Variants in KALRN observed in about 807,000 individuals in gnomAD.
KALRN encodes kalirin.
A neutral mutation model predicts 353.7 loss-of-function variants in KALRN; 70 were observed. The observed-to-expected ratio is 0.20, with a 90% CI of 0.16 to 0.24. The LOEUF (loss-of-function observed/expected upper bound fraction) is 0.24, where lower values mean the gene tolerates loss of function less well. Ranked by LOEUF, KALRN falls within the 10% of genes least tolerant of loss-of-function variation. The probability of loss-of-function intolerance (pLI) is 1.00; values close to 1 mark genes in which losing one functional copy is unlikely to be tolerated. For missense variants in KALRN, 2,791 were observed against 3,756.7 expected (o/e 0.74, Z 6.72); for synonymous variants, 1,391 against 1,434.8 (o/e 0.97, Z 0.69).
intron 5 of KALRN, among the ~76,000 whole-genome samples, chr3:124,296,796 T>A (rs1331014014): frequency 6.6e-6 from 1 of 152,248 alleles, no homozygotes; most frequent in Non-Finnish European, 1.5e-5. Flanking sequence ...TTCTGTCGCT[T>A]TGCCTGAGCA....
intron 1 of KALRN, among the ~76,000 whole-genome samples, chr3:124,044,433 G>T (rs1393723495): frequency 6.6e-6 from 1 of 152,034 alleles, no homozygotes; most frequent in Non-Finnish European, 1.5e-5. Context: ...ACCACTCCAA[G>T]CTTTAGTTTA....
intron 5 of KALRN, among the ~76,000 whole-genome samples, chr3:124,279,479 G>T (rs1033076146): frequency 1.1e-4 from 16 of 152,228 alleles, no homozygotes; most frequent in Non-Finnish European, 2.1e-4. Context: ...GCATGCATGG[G>T]GAATACAGCC....
intron 1 of KALRN, among the ~76,000 whole-genome samples, chr3:124,168,384 G>A (rs1471836730): frequency 2.0e-5 from 3 of 152,206 alleles, no homozygotes; most frequent in Non-Finnish European, 4.4e-5. Flanking sequence ...GCAACTGATT[G>A]TCTACTTTGT....
chr3:124,190,772 G>A (rs1368179606), intron 1 of KALRN, among the ~76,000 whole-genome samples: 3 of 152,152 alleles, frequency 2.0e-5, no homozygotes, highest in Non-Finnish European at 2.9e-5. Flanking sequence ...AAAGGTGTGG[G>A]GATTTCTCCC....
At chr3:124,424,138 C>A (rs2092910412) in intron 15 of KALRN, among the ~76,000 whole-genome samples, 1 of 152,132 alleles carries the variant, frequency 6.6e-6, no homozygotes, top group South Asian at 2.1e-4. Flanking sequence ...AACACACCAC[C>A]ACTCTCCACA....
chr3:124,582,083 C>T (rs555810154), intron 34 of KALRN, among the ~76,000 whole-genome samples: 11 of 147,954 alleles, frequency 7.4e-5, no homozygotes, highest in Non-Finnish European at 1.6e-4. Flanking sequence ...TGCAATGGTG[C>T]GATCTCCGCT....
At chr3:124,556,926 G>A (rs930764230) in intron 33 of KALRN, among the ~76,000 whole-genome samples, 15 of 152,140 alleles carry the variant, frequency 9.9e-5, no homozygotes, top group African/African-American at 2.7e-4. Context: ...ACAACTGTAC[G>A]TCTTGTCCTC....
intron 14 of KALRN, among the ~76,000 whole-genome samples, chr3:124,416,263 C>A (rs2092491850): frequency 6.6e-6 from 1 of 152,196 alleles, no homozygotes; most frequent in South Asian, 2.1e-4. Context: ...CAACGTCTGT[C>A]CCAAGAGCCA....
At chr3:124,690,818 G>A (rs7617373) in intron 51 of KALRN, among the ~76,000 whole-genome samples, 18,952 of 152,240 alleles carry the variant, frequency 0.12, 1,287 homozygotes, top group African/African-American at 0.17. Context: ...GCCTCCCAAA[G>A]TGCTGGGATT....
chr3:124,139,034 T>A (rs946198628), intron 1 of KALRN, among the ~76,000 whole-genome samples: 1 of 152,034 alleles, frequency 6.6e-6, no homozygotes, highest in African/African-American at 2.4e-5. Context: ...GGGGAGCATA[T>A]GGGAGGACTT....
rs1275341719 is a variant in KALRN, at chr3:124,202,684, G to A, written c.74-25306G>A. Reference sequence around the variant, plus strand: ...CCCTTCCAGCCTGCCTGCTCCATTTGTGGTATTTGCTTGTCCCTTCTGTGA... The same window carrying A: ...CCCTTCCAGCCTGCCTGCTCCATTTATGGTATTTGCTTGTCCCTTCTGTGA... On this transcript the variant is annotated intron_variant, in intron 1 of 59. Transcript: ENST00000682506. Among the ~76,000 whole-genome samples, 3 of 152,168 alleles carry A rather than the reference G, an allele frequency of 2.0e-5. No individual in the cohort carries two copies. In the East Asian group the frequency reaches 5.8e-4, roughly 29 times the overall value.
intron 38 of KALRN, among the ~76,000 whole-genome samples, chr3:124,653,158 C>G (rs761164117): frequency 1.3e-5 from 2 of 152,194 alleles, no homozygotes; most frequent in Non-Finnish European, 1.5e-5. Flanking sequence ...AGGTGTTTCA[C>G]TGTAAACCAT....
intron 1 of KALRN, among the ~76,000 whole-genome samples, chr3:124,134,848 A>G (rs1308452520): frequency 6.6e-6 from 1 of 151,824 alleles, no homozygotes; most frequent in African/African-American, 2.4e-5. Context: ...TCCTGCAAGA[A>G]TGGCCATAAT....
intron 37 of KALRN, among the ~76,000 whole-genome samples, chr3:124,649,665 A>G (rs1319035541): frequency 6.6e-6 from 1 of 151,634 alleles, no homozygotes; most frequent in Non-Finnish European, 1.5e-5. Context: ...GTGGTGCATG[A>G]CTGTCCCAGT....
At chr3:124,037,489 T>C (rs2039539132) in intron 1 of KALRN, among the ~76,000 whole-genome samples, 1 of 152,080 alleles carries the variant, frequency 6.6e-6, no homozygotes, top group Non-Finnish European at 1.5e-5. Flanking sequence ...AGAGTGGAGA[T>C]TGGATTTGAT....
Position 124,328,359 on chromosome 3 carries a change from C to G in KALRN, c.1285-1502C>G, listed in dbSNP as rs193042279. Reference sequence around the variant, plus strand: ...GCCCAGATTGGTAAGGAAGACCCAACTGCTTCTCTCTTTGTCTCTCTGGCA... The same window carrying G: ...GCCCAGATTGGTAAGGAAGACCCAAGTGCTTCTCTCTTTGTCTCTCTGGCA... On this transcript the variant is annotated intron_variant, in intron 7 of 59. Coordinates refer to ENST00000682506, the MANE Select transcript of KALRN (RefSeq NM_001388419.1). Among the ~76,000 whole-genome samples, 455 of 152,292 alleles carry G rather than the reference C, an allele frequency of 3.0e-3. 3 individuals are homozygous for G. The highest frequency in any genetic ancestry group is 4.5e-3 in the Non-Finnish European group (304 of 68,030).
intron 1 of KALRN, among the ~76,000 whole-genome samples, chr3:124,206,077 TAA>T (rs1301676255): frequency 1.3e-5 from 2 of 152,224 alleles, no homozygotes; most frequent in African/African-American, 4.8e-5. Flanking sequence ...CTGATATTAA[TAA>T]GAGAGTGTTC....
At chr3:124,071,337 C>G (rs922327958) in intron 1 of KALRN, among the ~76,000 whole-genome samples, 8 of 152,118 alleles carry the variant, frequency 5.3e-5, no homozygotes, top group Middle Eastern at 3.2e-3. Flanking sequence ...TAGTTACTCC[C>G]GTTTATAGCG....
chr3:124,216,392 G>A (rs569478334), intron 1 of KALRN, among the ~76,000 whole-genome samples: 151 of 152,280 alleles, frequency 9.9e-4, no homozygotes, highest in African/African-American at 3.4e-3. Flanking sequence ...GGTTCTCAAC[G>A]ATTTAGGGTG....
Sources: allele counts gnomAD v4.1 joint callset (sites outside exome capture counted in the v4.1 genomes callset), GRCh38; gene constraint gnomAD v4.1.1; transcripts MANE v1.5; gene names NCBI Gene and HGNC (gene_info 2026-07-23, HGNC 2026-07-21).